Variants in ATP9B observed in about 807,000 individuals in gnomAD.
The protein encoded by ATP9B is probable phospholipid-transporting ATPase IIB.
In ATP9B, 110 loss-of-function variants were observed where a neutral mutation model predicts 146.1. That is an observed-to-expected ratio of 0.75 (90% CI 0.65 to 0.88). ATP9B has a LOEUF of 0.88. Ranked by LOEUF, ATP9B falls within the 40% of genes least tolerant of loss-of-function variation. ATP9B has a pLI of 0.00. For missense variants in ATP9B, 1,499 were observed against 1,496.4 expected (o/e 1.00, Z -0.03); for synonymous variants, 604 against 569.7 (o/e 1.06, Z -0.86).
At chr18:79,252,463 G>T (rs2096035839) in intron 11 of ATP9B, among the ~76,000 whole-genome samples, 2 of 152,140 alleles carry the variant, frequency 1.3e-5, no homozygotes, top group Admixed American at 1.3e-4. Context: ...GGACTGCCTT[G>T]TGGTCTTTCA....
chr18:79,155,753 C>CTT (rs56002235), intron 7 of ATP9B, among the ~76,000 whole-genome samples: 1,518 of 74,086 alleles, frequency 0.02, 151 homozygotes, highest in Non-Finnish European at 0.031. Context: ...TGTTTTCTCT[C>CTT]TTTTTTTTTT....
chr18:79,097,741 G>T (rs369475884), intron 2 of ATP9B, among the ~76,000 whole-genome samples: 5 of 145,126 alleles, frequency 3.4e-5, no homozygotes, highest in Non-Finnish European at 7.5e-5. Flanking sequence ...ATTCCATGGT[G>T]TATATGTGCC....
chr18:79,084,825 G>A (rs949531129), intron 1 of ATP9B, among the ~76,000 whole-genome samples: 1 of 152,020 alleles, frequency 6.6e-6, no homozygotes, highest in African/African-American at 2.4e-5. Context: ...TACTACTTTA[G>A]GACACAGTGT....
At chr18:79,338,834 A>T (rs1159571439) in intron 19 of ATP9B, among the ~76,000 whole-genome samples, 1 of 152,238 alleles carries the variant, frequency 6.6e-6, no homozygotes, top group Non-Finnish European at 1.5e-5. Context: ...AATGGGAAAA[A>T]GTGTAACTTG....
Position 79,221,872 on chromosome 18 carries a change from ATT to A in ATP9B, c.1107+7849_1107+7850del, listed in dbSNP as rs11296944. On this transcript the variant is annotated intron_variant, in intron 11 of 29. Coordinates refer to ENST00000426216, the MANE Select transcript of ATP9B (RefSeq NM_198531.5). ...TAACATCCCCAAACTTCTTTGGCCA[ATT>A]TTTTTTTTTTTTTTGCCTTTATTTT... Among the ~76,000 whole-genome samples the A allele has an allele frequency of 4.9e-3, 521 of 105,816 alleles. 2 individuals are homozygous for A. Among genetic ancestry groups the A allele is most frequent in the African/African-American group, 9.7e-3 (257 of 26,440 alleles). 69.4% of individuals were successfully genotyped at this position (105,816 alleles called of 152,430 possible). A position where few individuals can be genotyped will look rare whatever the true frequency, so the allele number is the denominator to read the frequency against.
At chr18:79,191,229 T>A (rs555168738) in intron 8 of ATP9B, among the ~76,000 whole-genome samples, 33 of 152,324 alleles carry the variant, frequency 2.2e-4, no homozygotes, top group African/African-American at 6.7e-4. Flanking sequence ...TTGTGTATAA[T>A]GTGTTATTTT....
intron 1 of ATP9B, among the ~76,000 whole-genome samples, chr18:79,080,142 A>G (rs1449617714): frequency 6.6e-6 from 1 of 152,178 alleles, no homozygotes; most frequent in African/African-American, 2.4e-5. Context: ...TTGGTTCCAT[A>G]TGAAATTTAA....
At chr18:79,190,302 TA>T (rs911962326) in intron 8 of ATP9B, among the ~76,000 whole-genome samples, 4 of 151,744 alleles carry the variant, frequency 2.6e-5, no homozygotes, top group Non-Finnish European at 4.4e-5. Flanking sequence ...TTTAAACATT[TA>T]AAAAAAAATT....
intron 24 of ATP9B, 70 bp downstream of exon 24, chr18:79,347,995 G>A (rs1472059991): frequency 1.2e-6 from 2 of 1,603,860 alleles, no homozygotes; most frequent in Non-Finnish European, 1.7e-6. Flanking sequence ...GGAAGGGCAG[G>A]GTCCGGGAGT....
intron 11 of ATP9B, among the ~76,000 whole-genome samples, chr18:79,221,531 G>A (rs1288089185): frequency 6.6e-6 from 1 of 152,198 alleles, no homozygotes; most frequent in African/African-American, 2.4e-5. Context: ...GGCCAGCCTG[G>A]GCAACATGGC....
chr18:79,097,133 G>A (rs1325504066), intron 2 of ATP9B, among the ~76,000 whole-genome samples: 4 of 150,700 alleles, frequency 2.7e-5, no homozygotes, highest in Non-Finnish European at 5.9e-5. Flanking sequence ...ACTCCATCCT[G>A]GGCAATGGAG....
Position 79,206,927 on chromosome 18 carries a change from C to A in ATP9B, c.955-10C>A, listed in dbSNP as rs1223571100. ...TGACGGTTTTGTTTTCTTTTTGTCTCCCTGCACAGGAAGACAGTGACCCGC... is the reference window on the plus strand; with the variant it reads ...TGACGGTTTTGTTTTCTTTTTGTCTACCTGCACAGGAAGACAGTGACCCGC... On this transcript the variant is annotated splice_polypyrimidine_tract_variant and intron_variant, in intron 9 of 29. Coordinates refer to ENST00000426216, the MANE Select transcript of ATP9B (RefSeq NM_198531.5). 1 of 1,612,470 alleles carries A rather than the reference C, an allele frequency of 6.2e-7. No individual in the cohort carries two copies.
intron 15 of ATP9B, among the ~76,000 whole-genome samples, chr18:79,314,958 G>T (rs898347810): frequency 6.6e-6 from 1 of 152,204 alleles, no homozygotes; most frequent in Non-Finnish European, 1.5e-5. Flanking sequence ...TTTGAAGACC[G>T]CCGGCTTCTT....
At chr18:79,369,284 C>T (rs2097054661) in intron 26 of ATP9B, among the ~76,000 whole-genome samples, 1 of 143,138 alleles carries the variant, frequency 7.0e-6, no homozygotes, top group Admixed American at 6.9e-5. Flanking sequence ...CCTGTAATCC[C>T]AGCACTTTGG....
intron 1 of ATP9B, among the ~76,000 whole-genome samples, chr18:79,073,702 C>T (rs2072261044): frequency 6.6e-6 from 1 of 152,196 alleles, no homozygotes; most frequent in African/African-American, 2.4e-5. Flanking sequence ...GGGTAATTCC[C>T]TAATTCTTTA....
At chr18:79,157,757 T>G (rs1344109135) in intron 7 of ATP9B, among the ~76,000 whole-genome samples, 1 of 152,168 alleles carries the variant, frequency 6.6e-6, no homozygotes, top group African/African-American at 2.4e-5. Context: ...CTAGGTTATC[T>G]AATCCACTTT....
chr18:79,101,694 G>A (rs1445427683), intron 2 of ATP9B, among the ~76,000 whole-genome samples: 6 of 152,188 alleles, frequency 3.9e-5, no homozygotes, highest in Non-Finnish European at 8.8e-5. Context: ...GTTGTTGATT[G>A]TAGCTGTTCT....
chr18:79,098,482 A>G (rs999802302), intron 2 of ATP9B, among the ~76,000 whole-genome samples: 2 of 149,842 alleles, frequency 1.3e-5, no homozygotes, highest in Non-Finnish European at 1.5e-5. Flanking sequence ...CAACCTACTC[A>G]TCTGACAAAG....
intron 13 of ATP9B, among the ~76,000 whole-genome samples, chr18:79,295,090 G>A (rs952547844): frequency 3.5e-5 from 3 of 86,260 alleles, no homozygotes; most frequent in African/African-American, 1.6e-4. Context: ...ATGAATGCAA[G>A]CACACACATA....
Sources: gnomAD v4.1 joint callset for allele counts (sites outside exome capture counted in the v4.1 genomes callset) on GRCh38, gnomAD v4.1.1 for gene constraint, MANE v1.5 for transcripts, NCBI Gene and HGNC (gene_info 2026-07-23, HGNC 2026-07-21) for gene names.